The following RIMS1 variants were observed in gnomAD, a reference collection of about 807,000 sequenced individuals.
The protein encoded by RIMS1 is regulating synaptic membrane exocytosis protein 1.
RIMS1 carries 83 observed loss-of-function variants against 214.1 expected under a neutral mutation model. The observed-to-expected ratio is 0.39, with a 90% CI of 0.32 to 0.47. The LOEUF (loss-of-function observed/expected upper bound fraction) is 0.47, where lower values mean the gene tolerates loss of function less well. Among genes scored for constraint, RIMS1 ranks in the 20% least tolerant of loss-of-function variants. The probability of loss-of-function intolerance (pLI) is 0.99; values close to 1 mark genes in which losing one functional copy is unlikely to be tolerated. For synonymous variants in RIMS1, 793 were observed against 786.8 expected (o/e 1.01, Z -0.13); for missense variants, 2,050 against 2,161.8 (o/e 0.95, Z 1.03).
intron 24 of RIMS1, among the ~76,000 whole-genome samples, chr6:72,287,824 C>A (rs919553069): frequency 2.2e-4 from 34 of 152,232 alleles, no homozygotes; most frequent in Middle Eastern, 3.4e-3. Flanking sequence ...GAACTCCTGA[C>A]CTTATGATCC....
intron 4 of RIMS1, among the ~76,000 whole-genome samples, chr6:72,116,767 C>A (rs2037165037): frequency 6.6e-6 from 1 of 151,884 alleles, no homozygotes; most frequent in Non-Finnish European, 1.5e-5. Flanking sequence ...CATGAAATAT[C>A]AATTTTTAAA....
intron 6 of RIMS1, among the ~76,000 whole-genome samples, chr6:72,198,535 G>A (rs1819062): frequency 0.71 from 107,549 of 151,700 alleles, 38,467 homozygotes; most frequent in East Asian, 0.84. Flanking sequence ...AAGAGAGGCT[G>A]CTCAATGGGT....
chr6:72,393,085 G>GAAAAAAA (rs36027740), intron 31 of RIMS1, among the ~76,000 whole-genome samples: 1 of 131,684 alleles, frequency 7.6e-6, no homozygotes, highest in Non-Finnish European at 1.6e-5. Flanking sequence ...TCACAGCATG[G>GAAAAAAA]AAAAAAAAAA....
At chr6:72,341,214 C>T (rs796655777) in intron 29 of RIMS1, among the ~76,000 whole-genome samples, 1 of 152,034 alleles carries the variant, frequency 6.6e-6, no homozygotes, top group South Asian at 2.1e-4. Flanking sequence ...GGTATACAAT[C>T]ATGTCATCTG....
At chr6:72,289,149 G>A (rs957068455) in intron 24 of RIMS1, among the ~76,000 whole-genome samples, 18 of 152,138 alleles carry the variant, frequency 1.2e-4, no homozygotes, top group African/African-American at 4.3e-4. Context: ...TTTAAGGAAT[G>A]GAGCAAGATT....
chr6:72,042,770 T>C (rs1249173367), intron 2 of RIMS1, among the ~76,000 whole-genome samples: 1 of 151,804 alleles, frequency 6.6e-6, no homozygotes, highest in Non-Finnish European at 1.5e-5. Context: ...GCCTTTCCCT[T>C]TCACATTATA....
intron 26 of RIMS1, among the ~76,000 whole-genome samples, chr6:72,300,115 T>C (rs1374263668): frequency 1.3e-5 from 2 of 151,802 alleles, no homozygotes; most frequent in South Asian, 2.1e-4. Context: ...TATATTGTCA[T>C]TGTAGCCTTC....
intron 29 of RIMS1, among the ~76,000 whole-genome samples, chr6:72,348,338 A>G (rs2097335917): frequency 6.6e-6 from 1 of 151,796 alleles, no homozygotes; most frequent in Non-Finnish European, 1.5e-5. Context: ...GATAGCTTTG[A>G]TTTTGGTATA....
chr6:72,004,013 TC>T (rs982628243), intron 2 of RIMS1, among the ~76,000 whole-genome samples: 1 of 87,742 alleles, frequency 1.1e-5, no homozygotes, highest in Non-Finnish European at 2.2e-5. Context: ...ATGCTATCCC[TC>T]CCCCCTCCCC....
intron 2 of RIMS1, among the ~76,000 whole-genome samples, chr6:72,013,931 C>G (rs781346377): frequency 2.0e-5 from 3 of 152,156 alleles, no homozygotes; most frequent in Non-Finnish European, 4.4e-5. Context: ...TACTTTCTGT[C>G]TCTGTGGATT....
At chr6:72,126,300 A>T (rs945692048) in intron 4 of RIMS1, among the ~76,000 whole-genome samples, 2 of 152,228 alleles carry the variant, frequency 1.3e-5, no homozygotes, top group African/African-American at 4.8e-5. Context: ...TAAATCTAAG[A>T]CCTGAAACCA....
chr6:72,185,610 G>A (rs1028654137), intron 6 of RIMS1, among the ~76,000 whole-genome samples: 5 of 152,228 alleles, frequency 3.3e-5, no homozygotes, highest in African/African-American at 7.2e-5. Context: ...CAGTCTGGTA[G>A]AGGGTTCCTG....
At chr6:72,112,790 C>A (rs977309136) in intron 4 of RIMS1, among the ~76,000 whole-genome samples, 1 of 152,140 alleles carries the variant, frequency 6.6e-6, no homozygotes, top group African/African-American at 2.4e-5. Flanking sequence ...AGTACTTCAC[C>A]CTGTGAAATA....
At chr6:71,926,663 T>A (rs552195562) in intron 1 of RIMS1, among the ~76,000 whole-genome samples, 3 of 152,318 alleles carry the variant, frequency 2.0e-5, no homozygotes, top group African/African-American at 7.2e-5. Flanking sequence ...TCAATTAAGT[T>A]AATGAACAAA....
chr6:72,365,519 A>G (rs916794035), intron 29 of RIMS1, among the ~76,000 whole-genome samples: 1 of 152,242 alleles, frequency 6.6e-6, no homozygotes, highest in Non-Finnish European at 1.5e-5. Context: ...GGTTTAGTTT[A>G]ACTTGTATTG....
chr6:72,006,967 A>T lies in RIMS1; in HGVS notation c.245+37904A>T, dbSNP rs145374390. Among the ~76,000 whole-genome samples the T allele has an allele frequency of 6.0e-3, 912 of 152,320 alleles. 9 individuals carry two copies. Among genetic ancestry groups the T allele is most frequent in the African/African-American group, 0.017 (725 of 41,566 alleles). On this transcript the variant is annotated intron_variant, in intron 2 of 33. Coordinates refer to ENST00000521978, the MANE Select transcript of RIMS1 (RefSeq NM_014989.7). ...TAAATGTCCCTGTCTGACAGCTTGG[A>T]AGACAGTAGTCATTCTCCCAGCACG... is the stretch of plus-strand genomic sequence containing the variant.
chr6:71,984,144 T>C (rs1307814839), intron 2 of RIMS1, among the ~76,000 whole-genome samples: 1 of 152,192 alleles, frequency 6.6e-6, no homozygotes, highest in Non-Finnish European at 1.5e-5. Flanking sequence ...GGAAACTGTA[T>C]TTTTAATTGA....
intron 29 of RIMS1, among the ~76,000 whole-genome samples, chr6:72,343,265 G>C (rs1211378216): frequency 1.3e-5 from 2 of 151,626 alleles, no homozygotes; most frequent in African/African-American, 4.8e-5. Context: ...CATTCTTTAA[G>C]ACTTAGAGAA....
chr6:72,122,750 T>C (rs2038671031), intron 4 of RIMS1, among the ~76,000 whole-genome samples: 1 of 151,958 alleles, frequency 6.6e-6, no homozygotes, highest in African/African-American at 2.4e-5. Flanking sequence ...CTAGATTTTC[T>C]AGTTTATTTG....
Sources: gnomAD v4.1 joint callset for allele counts (sites outside exome capture counted in the v4.1 genomes callset) on GRCh38, gnomAD v4.1.1 for gene constraint, MANE v1.5 for transcripts, NCBI Gene and HGNC (gene_info 2026-07-23, HGNC 2026-07-21) for gene names.